The following PITPNM3 variants were observed in gnomAD, a reference collection of about 807,000 sequenced individuals.
PITPNM3 encodes the protein membrane-associated phosphatidylinositol transfer protein 3.
A neutral mutation model predicts 102.0 loss-of-function variants in PITPNM3; 26 were observed. The observed-to-expected ratio is 0.25, with a 90% CI of 0.19 to 0.35. The LOEUF (loss-of-function observed/expected upper bound fraction) is 0.35. Ranked by LOEUF, PITPNM3 falls within the 10% of genes least tolerant of loss-of-function variation. PITPNM3 has a pLI of 1.00. For missense variants in PITPNM3, 1,083 were observed against 1,346.1 expected (o/e 0.80, Z 3.06); for synonymous variants, 578 against 558.6 (o/e 1.03, Z -0.49).
chr17:6,483,528 C>A lies in PITPNM3; in HGVS notation c.576G>T (p.Ser192=), dbSNP rs145362623. ...AGAAATGGACTCACTGAGAGACAAG[C>A]GAGAAAGCCTCAGAGCAGATGGCAG... ...PCPAICSEAF[S]LVSHLNPYSH... The change falls in exon 6 of 20, where the codon TCG becomes TCT. Residue 192 remains serine (S), a synonymous_variant. Transcript: ENST00000262483. 6.2e-7 allele frequency: 1 copy of A among 1,613,460 alleles called. No homozygotes were observed. The highest frequency in any genetic ancestry group is 1.7e-5 in the Admixed American group (1 of 59,910).
chr17:6,489,764 G>C (rs994759430), intron 4 of PITPNM3, among the ~76,000 whole-genome samples: 6 of 152,158 alleles, frequency 3.9e-5, no homozygotes, highest in African/African-American at 1.4e-4. Context: ...CCAGCACTTT[G>C]GGGGACCAAG....
intron 16 of PITPNM3, 142 bp from the exon 17 acceptor site, chr17:6,464,023 C>G: frequency 6.5e-7 from 1 of 1,533,072 alleles, no homozygotes; most frequent in Non-Finnish European, 8.9e-7. Context: ...GATGCCACGG[C>G]TGGTGACCTC....
At position 6,455,291 on chromosome 17, in the gene PITPNM3, C is replaced by A. The variant is rs1233586419; in HGVS notation, c.*47G>T. On this transcript the variant is annotated 3_prime_UTR_variant, in exon 20 of 20. Coordinates refer to ENST00000262483, the MANE Select transcript of PITPNM3 (RefSeq NM_031220.4). ...GGCAGCCCCCTCCCGTCCCCGCAGG[C>A]AGCCTGATTGGGCCCCCCGCTCCCT... 1 of 1,527,868 alleles carries A rather than the reference C, an allele frequency of 6.5e-7. No individual in the cohort carries two copies. The highest frequency in any genetic ancestry group is 2.1e-5 in the Admixed American group (1 of 48,192). 94.6% of individuals were successfully genotyped at this position (1,527,868 alleles called of 1,614,324 possible).
Position 6,496,549 on chromosome 17 carries a change from G to A in PITPNM3, c.274+6978C>T, listed in dbSNP as rs116079919. Among the ~76,000 whole-genome samples, 1,256 of 152,072 alleles carry A rather than the reference G, an allele frequency of 8.3e-3. 10 individuals carry two copies. The highest frequency in any genetic ancestry group is 0.029 in the African/African-American group (1,211 of 41,474). On this transcript the variant is annotated intron_variant, in intron 4 of 19. Transcript: ENST00000262483. ...CCTGTCCTCTCCACAAAAGCGCCAC[G>A]GTCCTCTCTTTCCTGGGGTTAATCC...
intron 3 of PITPNM3, among the ~76,000 whole-genome samples, chr17:6,511,251 G>A (rs966089834): frequency 1.1e-4 from 17 of 152,180 alleles, no homozygotes; most frequent in African/African-American, 3.6e-4. Context: ...TGCCAATTTC[G>A]TGGCAGAATG....
chr17:6,532,358 T>C (rs1909192118), intron 2 of PITPNM3, among the ~76,000 whole-genome samples: 1 of 152,142 alleles, frequency 6.6e-6, no homozygotes, highest in African/African-American at 2.4e-5. Flanking sequence ...TTCCATCAAC[T>C]ACACACCTTT....
At chr17:6,545,684 C>T (rs1392855767) in intron 1 of PITPNM3, among the ~76,000 whole-genome samples, 2 of 152,202 alleles carry the variant, frequency 1.3e-5, no homozygotes, top group Non-Finnish European at 2.9e-5. Context: ...CATCCCACCC[C>T]CAATTCCTAT....
intron 17 of PITPNM3, among the ~76,000 whole-genome samples, chr17:6,462,803 G>A (rs745487304): frequency 1.3e-5 from 2 of 152,158 alleles, no homozygotes; most frequent in Non-Finnish European, 2.9e-5. Flanking sequence ...AGGGATTCTG[G>A]TTAGTTCTGA....
At chr17:6,504,502 CATG>C (rs1907371438) in intron 3 of PITPNM3, among the ~76,000 whole-genome samples, 1 of 152,226 alleles carries the variant, frequency 6.6e-6, no homozygotes, top group Non-Finnish European at 1.5e-5. Flanking sequence ...ATCCTGGGGT[CATG>C]GCCCCCGGGC....
In PITPNM3 at chr17:6,472,217, C is replaced by T. The variant is rs1433058616; in HGVS notation, c.1429+440G>A. Among the ~76,000 whole-genome samples, 1 of 152,214 alleles carries T rather than the reference C, an allele frequency of 6.6e-6. No homozygotes were observed. The highest frequency in any genetic ancestry group is 1.5e-5 in the Non-Finnish European group (1 of 68,036). ...CTGCCTGGAAGATCTCAACCCTCAT[C>T]CTCTAGCTCTTCTCCACCTGCCCAA... On this transcript the variant is annotated intron_variant, in intron 11 of 19. Transcript: ENST00000262483. This position sits in a 1 kb window ranked among gnomAD's most constrained non-coding sequence, Gnocchi z 4.1.
intron 6 of PITPNM3, among the ~76,000 whole-genome samples, chr17:6,482,786 G>A (rs936751217): frequency 6.6e-6 from 1 of 152,102 alleles, no homozygotes; most frequent in African/African-American, 2.4e-5. Context: ...CATGTGGCCC[G>A]GAAGTCTTCT....
chr17:6,520,756 G>A (rs1240485840), intron 3 of PITPNM3, among the ~76,000 whole-genome samples: 4 of 152,152 alleles, frequency 2.6e-5, no homozygotes, highest in African/African-American at 7.2e-5. Context: ...CAGATGAATG[G>A]ATAAACAAAA....
chr17:6,462,026 C>T (rs1185615240), intron 17 of PITPNM3, among the ~76,000 whole-genome samples: 1 of 152,158 alleles, frequency 6.6e-6, no homozygotes, highest in Non-Finnish European at 1.5e-5. Context: ...TTTCCCTCCA[C>T]CCCTACTCCT....
chr17:6,545,395 C>A (rs925872869), intron 1 of PITPNM3, among the ~76,000 whole-genome samples: 1 of 152,116 alleles, frequency 6.6e-6, no homozygotes, highest in Non-Finnish European at 1.5e-5. Context: ...ATGGGAGCCT[C>A]GCCACTCCCC....
chr17:6,464,613 G>A, intron 15 of PITPNM3, 42 bp downstream of exon 15: 1 of 1,549,508 alleles, frequency 6.5e-7, no homozygotes, highest in Non-Finnish European at 8.9e-7. Flanking sequence ...GGCACCTGGT[G>A]CAGGTGGAGT....
intron 2 of PITPNM3, among the ~76,000 whole-genome samples, chr17:6,525,716 C>T (rs60905176): frequency 0.052 from 7,981 of 152,242 alleles, 447 homozygotes; most frequent in East Asian, 0.16. Flanking sequence ...AGCCTGAAAC[C>T]CCATAGAAAG....
chr17:6,484,228 G>A lies in PITPNM3; in HGVS notation c.339C>T (p.His113=), dbSNP rs371206919. The change falls in exon 5 of 20, where the codon CAC becomes CAT. Residue 113 remains histidine, a synonymous_variant. Coordinates refer to ENST00000262483, the MANE Select transcript of PITPNM3 (RefSeq NM_031220.4). The stretch of plus-strand genomic sequence containing the variant: ...AAGCCCAGCCTACCTCGCTGTCTTC[G>A]TGGATCTCGATGCTTCCCTGGGCTG... ...RFPAQGSIEI[H]EDSEEGCPQR... is the part of the protein sequence containing the mutation. 6.6e-5 allele frequency: 107 copies of A among 1,610,168 alleles called. 1 individual carries two copies. Among genetic ancestry groups the A allele is most frequent in the Middle Eastern group, 6.6e-4 (4 of 6,056 alleles).
intron 4 of PITPNM3, among the ~76,000 whole-genome samples, chr17:6,501,896 C>T (rs887681928): frequency 6.6e-6 from 1 of 152,336 alleles, no homozygotes; most frequent in African/African-American, 2.4e-5. Flanking sequence ...GTTTTGATGA[C>T]ATGAGCCTCT....
chr17:6,502,326 G>A (rs532674437), intron 4 of PITPNM3, among the ~76,000 whole-genome samples: 4 of 152,250 alleles, frequency 2.6e-5, no homozygotes, highest in Middle Eastern at 6.8e-3. Flanking sequence ...GGTGGCCGGC[G>A]CCTGTAATCC....
Sources: gnomAD v4.1 joint callset for allele counts (sites outside exome capture counted in the v4.1 genomes callset) on GRCh38, gnomAD v4.1.1 for gene constraint, Gnocchi (gnomAD v3.1) non-coding constraint, MANE v1.5 for transcripts, NCBI Gene and HGNC (gene_info 2026-07-23, HGNC 2026-07-21) for gene names.